The following FHIT variants were observed in gnomAD, a reference collection of about 807,000 sequenced individuals.
FHIT encodes bis(5'-adenosyl)-triphosphatase.
FHIT carries 19 observed loss-of-function variants against 17.9 expected under a neutral mutation model. The observed-to-expected ratio is 1.06, with a 90% CI of 0.74 to 1.56. The LOEUF is 1.56. FHIT is among the 40% of genes most tolerant of loss of function. The pLI is 0.00. For missense variants in FHIT, 248 were observed against 189.2 expected (o/e 1.31, Z -1.82); for synonymous variants, 81 against 69.7 (o/e 1.16, Z -0.81).
intron 4 of FHIT, among the ~76,000 whole-genome samples, chr3:60,764,827 G>C (rs6786508): frequency 6.6e-6 from 1 of 151,122 alleles, no homozygotes; most frequent in Admixed American, 6.6e-5. Flanking sequence ...GTCAATATAT[G>C]AATATATATA....
chr3:60,458,452 G>T (rs140570875), intron 5 of FHIT, among the ~76,000 whole-genome samples: 3 of 139,434 alleles, frequency 2.2e-5, no homozygotes, highest in African/African-American at 5.3e-5. Flanking sequence ...GTGGGGGGAG[G>T]GGGGAGGGAT....
intron 8 of FHIT, among the ~76,000 whole-genome samples, chr3:59,859,653 G>T (rs193101543): frequency 6.6e-6 from 1 of 152,342 alleles, no homozygotes; most frequent in East Asian, 1.9e-4. Flanking sequence ...CTGGGAGGCG[G>T]AGGTTGCAGT....
intron 3 of FHIT, among the ~76,000 whole-genome samples, chr3:60,834,068 A>G (rs1053628314): frequency 1.3e-5 from 2 of 152,168 alleles, no homozygotes; most frequent in Non-Finnish European, 2.9e-5. Flanking sequence ...GTTTGGGGCT[A>G]TTACAGATAA....
intron 5 of FHIT, among the ~76,000 whole-genome samples, chr3:60,251,799 G>T (rs573041304): frequency 6.6e-6 from 1 of 152,112 alleles, no homozygotes; most frequent in South Asian, 2.1e-4. Flanking sequence ...AATCTTGCTT[G>T]TAAGTCAAAG....
rs142301757 is a variant in FHIT at position 61,248,444 on chromosome 3, C to T, written c.-213+2857G>A. Among the ~76,000 whole-genome samples, 8 of 152,320 alleles carry T rather than the reference C, an allele frequency of 5.3e-5. No individual in the cohort carries two copies. The East Asian group carries it at 1.5e-3, about 29-fold the overall frequency. Reference sequence around the variant, plus strand: ...ATCTTTCAGAAGAGACCAGAGTTACCTGCCTTATTATCTGTGAATACATAA... The same window carrying T: ...ATCTTTCAGAAGAGACCAGAGTTACTTGCCTTATTATCTGTGAATACATAA... On this transcript the variant is annotated intron_variant, in intron 1 of 9. Coordinates refer to ENST00000492590, the MANE Select transcript of FHIT (RefSeq NM_002012.4).
At chr3:60,476,796 G>T (rs368372000) in intron 5 of FHIT, among the ~76,000 whole-genome samples, 1 of 152,006 alleles carries the variant, frequency 6.6e-6, no homozygotes, top group African/African-American at 2.4e-5. Context: ...TGGCCTTGTC[G>T]GAGGTACTTA....
At chr3:60,700,626 T>A (rs568009856) in intron 4 of FHIT, among the ~76,000 whole-genome samples, 1 of 152,308 alleles carries the variant, frequency 6.6e-6, no homozygotes, top group South Asian at 2.1e-4. Context: ...AAAATTAAGG[T>A]TGCAGAGTCA....
chr3:60,128,920 C>A (rs1283922786), intron 5 of FHIT, among the ~76,000 whole-genome samples: 1 of 152,104 alleles, frequency 6.6e-6, no homozygotes. Context: ...AGGACAGATA[C>A]CAAGATGAAT....
intron 7 of FHIT, among the ~76,000 whole-genome samples, chr3:59,937,733 A>G (rs17374441): frequency 0.069 from 10,433 of 152,270 alleles, 475 homozygotes; most frequent in South Asian, 0.13. Flanking sequence ...AAGATTTTTC[A>G]TCATTCAATA....
rs201374769 is a variant in FHIT, at chr3:60,405,402, TC to T, written c.103+131457del. On this transcript the variant is annotated intron_variant, in intron 5 of 9. Coordinates refer to ENST00000492590, the MANE Select transcript of FHIT (RefSeq NM_002012.4). Reference sequence around the variant, plus strand: ...CCAGACCCAGATACATGGGGGACTTTCCCGCCTTCTGGTAGGGGGACCACCC... The same window carrying T: ...CCAGACCCAGATACATGGGGGACTTTCCGCCTTCTGGTAGGGGGACCACCC... Among the ~76,000 whole-genome samples the T allele has an allele frequency of 5.3e-4, 80 of 152,304 alleles. No individual in the cohort carries two copies. In the East Asian group the frequency reaches 0.015, roughly 28 times the overall value.
intron 3 of FHIT, among the ~76,000 whole-genome samples, chr3:60,879,551 T>A (rs1553757402): frequency 6.6e-6 from 1 of 152,002 alleles, no homozygotes; most frequent in Admixed American, 6.6e-5. Flanking sequence ...ACAAAATAAC[T>A]CCCTAGTAAC....
chr3:59,838,415 C>T (rs1334872331), intron 8 of FHIT, among the ~76,000 whole-genome samples: 1 of 152,210 alleles, frequency 6.6e-6, no homozygotes, highest in Non-Finnish European at 1.5e-5. Flanking sequence ...TCCCTCACCC[C>T]CAGCTACTGT....
intron 2 of FHIT, among the ~76,000 whole-genome samples, chr3:61,145,611 T>C (rs952985128): frequency 2.6e-5 from 4 of 152,132 alleles, no homozygotes; most frequent in Admixed American, 6.5e-5. Context: ...TAGATCATTT[T>C]GGCCAGTATT....
chr3:59,991,869 G>C (rs1315593168), intron 7 of FHIT, among the ~76,000 whole-genome samples: 1 of 151,992 alleles, frequency 6.6e-6, no homozygotes, highest in Non-Finnish European at 1.5e-5. Flanking sequence ...GAGAAACACA[G>C]AGTCTTGAGT....
In FHIT at chr3:60,744,426, G is replaced by A. The variant is rs143001217; in HGVS notation, c.-18+77493C>T. 2.6e-4 allele frequency among the ~76,000 whole-genome samples: 39 copies of A among 151,896 alleles called. No homozygotes were observed. In the East Asian group the frequency reaches 4.8e-3, roughly 19 times the overall value. On this transcript the variant is annotated intron_variant, in intron 4 of 9. Transcript: ENST00000492590. ...GGATGGATCAGTGAAAACAACGAAAGCTCATTTATACACAACTTGCTAAGT... is the reference window on the plus strand; with the variant it reads ...GGATGGATCAGTGAAAACAACGAAAACTCATTTATACACAACTTGCTAAGT...
intron 5 of FHIT, among the ~76,000 whole-genome samples, chr3:60,354,321 C>A (rs980869811): frequency 6.6e-6 from 1 of 152,074 alleles, no homozygotes; most frequent in Non-Finnish European, 1.5e-5. Flanking sequence ...TTATTTTAAA[C>A]TTTTCCAACC....
At chr3:60,491,037 G>T (rs995121552) in intron 5 of FHIT, among the ~76,000 whole-genome samples, 1 of 152,112 alleles carries the variant, frequency 6.6e-6, no homozygotes, top group African/African-American at 2.4e-5. Context: ...AACCCAAAAA[G>T]TATATGTTGC....
At chr3:60,516,350 C>T (rs1465514853) in intron 5 of FHIT, among the ~76,000 whole-genome samples, 1 of 152,152 alleles carries the variant, frequency 6.6e-6, no homozygotes, top group Non-Finnish European at 1.5e-5. Flanking sequence ...AAGATAATTG[C>T]ATCCTTATTT....
chr3:60,667,439 T>A (rs1159954481), intron 4 of FHIT, among the ~76,000 whole-genome samples: 21 of 152,102 alleles, frequency 1.4e-4, no homozygotes, highest in African/African-American at 5.1e-4. Context: ...TTTCTGTTAT[T>A]TTTTATTTCT....
Sources: allele counts gnomAD v4.1 joint callset (sites outside exome capture counted in the v4.1 genomes callset), GRCh38; gene constraint gnomAD v4.1.1; transcripts MANE v1.5; gene names NCBI Gene and HGNC (gene_info 2026-07-23, HGNC 2026-07-21).